Variants in EPHX1 observed in about 807,000 individuals in gnomAD.
The protein encoded by EPHX1 is epoxide hydratase.
A neutral mutation model predicts 43.2 loss-of-function variants in EPHX1; 40 were observed. The observed-to-expected ratio is 0.93, with a 90% CI of 0.72 to 1.21. The LOEUF is 1.21. Ranked by LOEUF, EPHX1 falls within the 50% of genes most tolerant of loss-of-function variation. The probability of loss-of-function intolerance (pLI) is 0.00; values close to 1 mark genes in which losing one functional copy is unlikely to be tolerated. For missense variants in EPHX1, 550 were observed against 570.4 expected (o/e 0.96, Z 0.36); for synonymous variants, 221 against 226.7 (o/e 0.98, Z 0.22).
intron 1 of EPHX1, among the ~76,000 whole-genome samples, chr1:225,816,883 A>C (rs57724429): frequency 6.6e-6 from 1 of 152,014 alleles, no homozygotes; most frequent in African/African-American, 2.4e-5. Context: ...TTTTCTTTCT[A>C]TCTCTCCAGA....
intron 3 of EPHX1, among the ~76,000 whole-genome samples, chr1:225,835,552 G>A (rs1461540613): frequency 6.6e-6 from 1 of 151,798 alleles, no homozygotes; most frequent in Admixed American, 6.6e-5. Flanking sequence ...ACCATGCCCA[G>A]CTAATTTTTT....
At chr1:225,825,879 G>A (rs1018575599) in intron 1 of EPHX1, among the ~76,000 whole-genome samples, 2 of 152,178 alleles carry the variant, frequency 1.3e-5, no homozygotes, top group Non-Finnish European at 2.9e-5. Context: ...GCTCCCATGT[G>A]TCTCCCAGTC....
chr1:225,813,220 G>T (rs1036499909), intron 1 of EPHX1, among the ~76,000 whole-genome samples: 2 of 152,216 alleles, frequency 1.3e-5, no homozygotes, highest in Non-Finnish European at 2.9e-5. Context: ...CTAGAGTGAA[G>T]GCCCTGGCCA....
In EPHX1 at chr1:225,845,221, G is replaced by A. The variant is rs142674326; in HGVS notation, c.1242G>A (p.Arg414=). ...TGCACACGCCTGAAAAGTGGGTGAG[G>A]TTCAAGTACCCAAAGCTCATCTCCT... ...ELLHTPEKWV[R]FKYPKLISYS... is the part of the protein sequence containing the mutation. The change falls in exon 9 of 9, where the codon AGG becomes AGA. Residue 414 remains arginine (R), a synonymous_variant. Transcript: ENST00000272167. 2 of 1,614,154 alleles carry A rather than the reference G, an allele frequency of 1.2e-6. No homozygotes were observed. The highest frequency in any genetic ancestry group is 1.7e-6 in the Non-Finnish European group (2 of 1,180,030).
At chr1:225,812,725 T>C (rs909329148) in intron 1 of EPHX1, among the ~76,000 whole-genome samples, 2 of 152,156 alleles carry the variant, frequency 1.3e-5, no homozygotes, top group African/African-American at 4.8e-5. Context: ...TTCAACCACA[T>C]GGATCACAGC....
chr1:225,828,536 T>C (rs1276043465), intron 1 of EPHX1, among the ~76,000 whole-genome samples, 189 bp from the exon 2 acceptor site: 1 of 148,454 alleles, frequency 6.7e-6, no homozygotes, highest in Non-Finnish European at 1.5e-5. Context: ...ATAATATTTA[T>C]ACTATATATA....
At chr1:225,816,545 C>G (rs1008117946) in intron 1 of EPHX1, among the ~76,000 whole-genome samples, 1 of 152,176 alleles carries the variant, frequency 6.6e-6, no homozygotes, top group African/African-American at 2.4e-5. Context: ...CTCATGAGCC[C>G]TGCAGCATGT....
chr1:225,818,451 G>A (rs901471877), intron 1 of EPHX1, among the ~76,000 whole-genome samples: 2 of 152,138 alleles, frequency 1.3e-5, no homozygotes, highest in Non-Finnish European at 2.9e-5. Context: ...AGGCTACCCA[G>A]AGGAGGGACA....
rs780418080 is a variant in EPHX1 at position 225,839,363 on chromosome 1, GGTGGT to G, written c.722+21_722+25del. On this transcript the variant is annotated intron_variant, in intron 5 of 8. Coordinates refer to ENST00000272167, the MANE Select transcript of EPHX1 (RefSeq NM_001136018.4). ...GGTGCCCAGGTGAGGTCACTGTTGG[GGTGGT>G]GTGTGTGTGTGTGTGTGTGTGTGTG... The G allele has an allele frequency of 4.1e-5, 65 of 1,599,080 alleles. No individual in the cohort carries two copies. In the African/African-American group the frequency reaches 9.4e-4, roughly 23 times the overall value.
chr1:225,831,736 C>G (rs771231121), intron 2 of EPHX1, 43 bp from the exon 3 acceptor site: 4 of 1,602,038 alleles, frequency 2.5e-6, no homozygotes, highest in South Asian at 1.1e-5. Context: ...TGTGCTCTGT[C>G]CTTCCCATCC....
At chr1:225,812,000 T>C (rs1379008104) in intron 1 of EPHX1, among the ~76,000 whole-genome samples, 2 of 151,914 alleles carry the variant, frequency 1.3e-5, no homozygotes, top group Non-Finnish European at 2.9e-5. Flanking sequence ...GAGTGCCAGG[T>C]GGAAAGGGAA....
In EPHX1 at chr1:225,838,690, A is replaced by G; in HGVS notation, c.401A>G (p.Gln134Arg). The change falls in exon 4 of 9, where the codon CAG (glutamine) becomes CGG (arginine). Residue 134 changes from glutamine (Q) to arginine (R), a missense_variant. Physicochemically the swap from Gln to Arg is conservative, Grantham distance 43. Transcript: ENST00000272167. ...DIHFIHVKPPQLPAGHTPKPL... is the reference protein window; with the variant it reads ...DIHFIHVKPPRLPAGHTPKPL... ...CACTTCATCCACGTGAAGCCCCCCC[A>G]GCTGCCCGCAGGCCATACCCCGAAG... 1.2e-6 allele frequency: 2 copies of G among 1,613,906 alleles called. No individual in the cohort carries two copies. Among genetic ancestry groups the G allele is most frequent in the South Asian group, 1.1e-5 (1 of 91,070 alleles).
rs1559028549 is a variant in EPHX1, at chr1:225,845,216, G to A, written c.1237G>A (p.Val413Met). The change falls in exon 9 of 9, where the codon GTG becomes ATG. Residue 413 changes from valine to methionine, a missense_variant. Val to Met is a conservative substitution (Grantham distance 21). Transcript: ENST00000272167. ...FELLHTPEKW[V>M]RFKYPKLISY... ...GCTATTGCACACGCCTGAAAAGTGGGTGAGGTTCAAGTACCCAAAGCTCAT... is the reference window on the plus strand; with the variant it reads ...GCTATTGCACACGCCTGAAAAGTGGATGAGGTTCAAGTACCCAAAGCTCAT... The A allele has an allele frequency of 1.9e-6, 3 of 1,614,164 alleles. No individual in the cohort carries two copies. The highest frequency in any genetic ancestry group is 1.7e-5 in the Admixed American group (1 of 60,032).
At chr1:225,842,900 C>G (rs1194719382) in intron 7 of EPHX1, among the ~76,000 whole-genome samples, 1 of 152,200 alleles carries the variant, frequency 6.6e-6, no homozygotes, top group East Asian at 1.9e-4. Flanking sequence ...TCTCTCAGAG[C>G]CTTAGAGGCT....
At chr1:225,842,066 T>C (rs1054907823) in intron 6 of EPHX1, among the ~76,000 whole-genome samples, 3 of 152,244 alleles carry the variant, frequency 2.0e-5, no homozygotes, top group Non-Finnish European at 4.4e-5. Context: ...GCACTTCTCA[T>C]TGGGACCCCA....
chr1:225,832,193 T>C, intron 3 of EPHX1: 1 of 536,242 alleles, frequency 1.9e-6, no homozygotes, highest in Non-Finnish European at 3.4e-6. Context: ...ACCAAAGAAA[T>C]GCACCATCCA....
At position 225,842,608 on chromosome 1, in the gene EPHX1, T is replaced by G; in HGVS notation, c.1040+134T>G. 3.9e-6 allele frequency: 3 copies of G among 773,162 alleles called. No homozygotes were observed. The South Asian group carries it at 4.3e-5, about 11-fold the overall frequency. 47.9% of individuals were successfully genotyped at this position (773,162 alleles called of 1,614,324 possible). On this transcript the variant is annotated intron_variant, in intron 7 of 8. Transcript: ENST00000272167. The stretch of plus-strand genomic sequence containing the variant: ...CTATTGTTGGCTTTCTTACAAATCC[T>G]CACCCTGTGACCAACGTAGCTGCAT...
rs1803538 is a variant in EPHX1, at chr1:225,839,976, C to T, written c.870C>T (p.Phe290=). 6.2e-7 allele frequency: 1 copy of T among 1,614,252 alleles called. No homozygotes were observed. Among genetic ancestry groups the T allele is most frequent in the Non-Finnish European group, 8.5e-7 (1 of 1,180,040 alleles). ...TGTACCCCGTCAAGGAGAAGGTATT[C>T]TACAGCCTGATGAGGGAGAGCGGCT... ...ELLYPVKEKV[F]YSLMRESGYM... The change falls in exon 6 of 9, where the codon TTC becomes TTT. Residue 290 remains phenylalanine (F), a synonymous_variant. Transcript: ENST00000272167.
intron 7 of EPHX1, among the ~76,000 whole-genome samples, chr1:225,843,735 C>T (rs1012102175): frequency 2.6e-5 from 4 of 152,142 alleles, no homozygotes; most frequent in African/African-American, 7.2e-5. Context: ...AAATGGTGGT[C>T]GTGGTCGTTT....
Sources: allele counts gnomAD v4.1 joint callset (sites outside exome capture counted in the v4.1 genomes callset), GRCh38; gene constraint gnomAD v4.1.1; transcripts MANE v1.5; gene names NCBI Gene and HGNC (gene_info 2026-07-23, HGNC 2026-07-21).